The following MEGF9 variants were observed in gnomAD, a reference collection of about 807,000 sequenced individuals.
MEGF9 encodes multiple epidermal growth factor-like domains protein 9.
A neutral mutation model predicts 46.8 loss-of-function variants in MEGF9; 6 were observed. The observed-to-expected ratio is 0.13, with a 90% confidence interval of 0.07 to 0.25. MEGF9 has a LOEUF of 0.25. MEGF9 is among the 10% of genes least tolerant of loss of function. The pLI, the probability that MEGF9 is intolerant of heterozygous loss-of-function variation, is 1.00. For missense variants in MEGF9, 683 were observed against 792.4 expected (o/e 0.86, Z 1.66); for synonymous variants, 302 against 330.7 (o/e 0.91, Z 0.94).
At chr9:120,636,822 C>T (rs970307994) in intron 2 of MEGF9, among the ~76,000 whole-genome samples, 12 of 149,900 alleles carry the variant, frequency 8.0e-5, no homozygotes, top group African/African-American at 2.7e-4. Context: ...GGTGGGGGGG[C>T]GCCCCCGCCC....
At chr9:120,677,868 C>T (rs1017699453) in intron 1 of MEGF9, among the ~76,000 whole-genome samples, 2 of 152,066 alleles carry the variant, frequency 1.3e-5, no homozygotes, top group Non-Finnish European at 2.9e-5. Context: ...GTTCATGTTT[C>T]GAGAGTATAT....
At chr9:120,685,392 A>G (rs368553200) in intron 1 of MEGF9, among the ~76,000 whole-genome samples, 4 of 152,358 alleles carry the variant, frequency 2.6e-5, no homozygotes, top group East Asian at 3.9e-4. Flanking sequence ...TCAGAGACCA[A>G]TGGTCAATAA....
intron 2 of MEGF9, among the ~76,000 whole-genome samples, chr9:120,630,123 G>A (rs1393178686): frequency 6.6e-6 from 1 of 152,082 alleles, no homozygotes; most frequent in Non-Finnish European, 1.5e-5. Context: ...AGTGTGGTAT[G>A]TCAATACAAA....
intron 2 of MEGF9, among the ~76,000 whole-genome samples, chr9:120,655,466 T>C (rs2132320753): frequency 6.6e-6 from 1 of 152,326 alleles, no homozygotes; most frequent in South Asian, 2.1e-4. Flanking sequence ...TGATGCTGTG[T>C]GACAATGAAA....
chr9:120,625,524 ACT>A (rs2043520054), intron 2 of MEGF9, among the ~76,000 whole-genome samples: 1 of 147,366 alleles, frequency 6.8e-6, no homozygotes, highest in South Asian at 2.1e-4. Context: ...ACACAGGGAG[ACT>A]CTGTCTCTTA....
At chr9:120,611,823 A>AAAAG (rs1178463564) in intron 4 of MEGF9, among the ~76,000 whole-genome samples, 13 of 132,612 alleles carry the variant, frequency 9.8e-5, no homozygotes, top group African/African-American at 3.2e-4. Flanking sequence ...AAAAGAAAAG[A>AAAAG]AAAGAAAGAA....
intron 1 of MEGF9, among the ~76,000 whole-genome samples, chr9:120,674,480 C>T (rs968503893): frequency 6.6e-6 from 1 of 152,098 alleles, no homozygotes; most frequent in Non-Finnish European, 1.5e-5. Context: ...ACTGTCAATA[C>T]CAAATACCAC....
chr9:120,625,400 A>T (rs1456772445), intron 2 of MEGF9, among the ~76,000 whole-genome samples: 1 of 152,156 alleles, frequency 6.6e-6, no homozygotes, highest in Non-Finnish European at 1.5e-5. Context: ...CCAGGGAGCC[A>T]GAAGTGCTGA....
At chr9:120,611,755 C>T (rs936915723) in intron 4 of MEGF9, among the ~76,000 whole-genome samples, 4 of 147,818 alleles carry the variant, frequency 2.7e-5, no homozygotes, top group African/African-American at 1.0e-4. Context: ...ATGTGAATTA[C>T]AGCTCAACAA....
In MEGF9 at chr9:120,714,378, G is replaced by A. The variant is rs2043969421; in HGVS notation, c.-20C>T. The A allele has an allele frequency of 7.7e-7, 1 of 1,305,956 alleles. No individual in the cohort carries two copies. The highest frequency in any genetic ancestry group is 9.7e-7 in the Non-Finnish European group (1 of 1,029,806). 80.9% of individuals were successfully genotyped at this position (1,305,956 alleles called of 1,614,324 possible). On this transcript the variant is annotated 5_prime_UTR_variant, in exon 1 of 6. Coordinates refer to ENST00000373930, the MANE Select transcript of MEGF9 (RefSeq NM_001080497.3). The stretch of plus-strand genomic sequence containing the variant: ...ATTCATTCATTCAGCCAGTCGGTTG[G>A]TCAGTCATCTTCTCCTCGTTGCAAT...
At chr9:120,672,358 C>T (rs2132328610) in intron 1 of MEGF9, among the ~76,000 whole-genome samples, 1 of 152,054 alleles carries the variant, frequency 6.6e-6, no homozygotes, top group African/African-American at 2.4e-5. Flanking sequence ...TTTGGAAGGC[C>T]AAGGTGGGAG....
At chr9:120,691,798 T>C (rs1365497013) in intron 1 of MEGF9, among the ~76,000 whole-genome samples, 2 of 152,176 alleles carry the variant, frequency 1.3e-5, no homozygotes, top group African/African-American at 2.4e-5. Flanking sequence ...AATGACTGGA[T>C]ACTTCAAGGC....
At chr9:120,702,514 T>G (rs558769582) in intron 1 of MEGF9, among the ~76,000 whole-genome samples, 6 of 152,344 alleles carry the variant, frequency 3.9e-5, no homozygotes, top group Non-Finnish European at 7.4e-5. Flanking sequence ...ATAATCCCAT[T>G]ACTTAGGTTT....
intron 1 of MEGF9, among the ~76,000 whole-genome samples, chr9:120,697,557 C>T (rs2043883494): frequency 6.6e-6 from 1 of 152,048 alleles, no homozygotes; most frequent in Non-Finnish European, 1.5e-5. Flanking sequence ...GTATTACTTG[C>T]TAAATGCTAA....
chr9:120,654,618 G>A (rs765493640), intron 2 of MEGF9, among the ~76,000 whole-genome samples: 8 of 152,168 alleles, frequency 5.3e-5, no homozygotes, highest in East Asian at 3.8e-4. Context: ...ACTGGTTCAT[G>A]TATTTACTAT....
intron 1 of MEGF9, among the ~76,000 whole-genome samples, chr9:120,702,099 GGAGA>G (rs890244644): frequency 5.9e-5 from 9 of 152,002 alleles, no homozygotes; most frequent in African/African-American, 2.2e-4. Flanking sequence ...AAAATGAAAT[GGAGA>G]AAGAGCCAGC....
At chr9:120,702,834 C>G (rs965743850) in intron 1 of MEGF9, among the ~76,000 whole-genome samples, 1 of 152,146 alleles carries the variant, frequency 6.6e-6, no homozygotes, top group African/African-American at 2.4e-5. Flanking sequence ...TCTGAGGAAC[C>G]CTGGGTCCCC....
chr9:120,676,906 T>C (rs897566140), intron 1 of MEGF9, among the ~76,000 whole-genome samples: 6 of 152,122 alleles, frequency 3.9e-5, no homozygotes, highest in African/African-American at 7.2e-5. Flanking sequence ...AACTAAAACT[T>C]AGAGAAGCTA....
chr9:120,683,571 C>T (rs2043808308), intron 1 of MEGF9, among the ~76,000 whole-genome samples: 1 of 152,196 alleles, frequency 6.6e-6, no homozygotes, highest in Admixed American at 6.5e-5. Context: ...TCGGCTTCTG[C>T]CATGATTGTA....
Sources: allele counts gnomAD v4.1 joint callset (sites outside exome capture counted in the v4.1 genomes callset), GRCh38; gene constraint gnomAD v4.1.1; transcripts MANE v1.5; gene names NCBI Gene and HGNC (gene_info 2026-07-23, HGNC 2026-07-21).